GPHN: variants seen among roughly 807,000 people sequenced by gnomAD.
GPHN encodes the protein gephyrin.
A neutral mutation model predicts 95.5 loss-of-function variants in GPHN; 17 were observed. The ratio of observed to expected loss-of-function variants is 0.18; its 90% confidence interval spans 0.12 to 0.27. The LOEUF (loss-of-function observed/expected upper bound fraction) is 0.27, where lower values mean the gene tolerates loss of function less well. GPHN is among the 10% of genes least tolerant of loss of function. GPHN has a pLI of 1.00. For synonymous variants in GPHN, 320 were observed against 322.5 expected (o/e 0.99, Z 0.08); for missense variants, 660 against 978.1 (o/e 0.67, Z 4.34).
the GPHN span, among the ~76,000 whole-genome samples, chr14:67,699,623 GAGAA>G: frequency 1.4e-5 from 2 of 143,690 alleles, no homozygotes; most frequent in Admixed American, 1.4e-4. Context: ...GAAACAGAGA[GAGAA>G]AGAAAGAAAG....
At chr14:66,879,392 CAGTT>C (rs1433761877) in intron 4 of GPHN, among the ~76,000 whole-genome samples, 1 of 144,400 alleles carries the variant, frequency 6.9e-6, no homozygotes, top group Non-Finnish European at 1.5e-5. Context: ...AAAAAAAAGA[CAGTT>C]AATTTACACT....
At chr14:67,476,770 C>A in the GPHN span, among the ~76,000 whole-genome samples, 1 of 152,056 alleles carries the variant, frequency 6.6e-6, no homozygotes, top group East Asian at 1.9e-4. Flanking sequence ...CAGAACTCAT[C>A]CCCTGCACAT....
At chr14:67,345,521 C>T in the GPHN span, among the ~76,000 whole-genome samples, 1 of 152,128 alleles carries the variant, frequency 6.6e-6, no homozygotes, top group East Asian at 1.9e-4. Flanking sequence ...CGCCATTGCA[C>T]TCCAGCCTGG....
chr14:67,296,120 GAGA>G, the GPHN span, among the ~76,000 whole-genome samples: 1 of 152,062 alleles, frequency 6.6e-6, no homozygotes, highest in South Asian at 2.1e-4. Flanking sequence ...GGGGAATGGT[GAGA>G]AGAAGGAAAA....
the GPHN span, among the ~76,000 whole-genome samples, chr14:67,416,468 G>A: frequency 6.6e-6 from 1 of 152,296 alleles, no homozygotes; most frequent in Non-Finnish European, 1.5e-5. Flanking sequence ...CACCCTGAAG[G>A]CACTGAAAAG....
chr14:67,218,230 G>T, the GPHN span, among the ~76,000 whole-genome samples: 1 of 152,214 alleles, frequency 6.6e-6, no homozygotes, highest in Non-Finnish European at 1.5e-5. Context: ...GTGGCCAGAA[G>T]CATGATCACA....
the GPHN span, among the ~76,000 whole-genome samples, chr14:67,205,602 C>T: frequency 6.6e-6 from 1 of 152,020 alleles, no homozygotes; most frequent in Non-Finnish European, 1.5e-5. Context: ...TAGAAAAGGC[C>T]AGAGAGTGGA....
the GPHN span, among the ~76,000 whole-genome samples, chr14:67,644,469 C>A: frequency 6.6e-6 from 1 of 152,184 alleles, no homozygotes. Context: ...AAAGACCCAA[C>A]CAGTGTGGGA....
chr14:67,633,062 C>T, the GPHN span, among the ~76,000 whole-genome samples: 1 of 151,908 alleles, frequency 6.6e-6, no homozygotes, highest in Non-Finnish European at 1.5e-5. Context: ...CCTCGTGATC[C>T]GCCCGCCTCG....
intron 18 of GPHN, among the ~76,000 whole-genome samples, chr14:67,144,250 A>AAAAATATATATATAT (rs1168342196): frequency 6.9e-5 from 4 of 57,772 alleles, no homozygotes; most frequent in African/African-American, 8.0e-5. Context: ...AAAAAAAAAA[A>AAAAATATATATATAT]ATATATATAT....
At chr14:67,299,668 G>A in the GPHN span, among the ~76,000 whole-genome samples, 5 of 152,192 alleles carry the variant, frequency 3.3e-5, no homozygotes, top group African/African-American at 1.2e-4. Flanking sequence ...AGTAGCTGAT[G>A]ATATGTGTTG....
At chr14:66,955,246 C>G (rs1284576230) in intron 8 of GPHN, among the ~76,000 whole-genome samples, 2 of 152,044 alleles carry the variant, frequency 1.3e-5, no homozygotes, top group Non-Finnish European at 2.9e-5. Flanking sequence ...TGGGCTTTTC[C>G]TTGTTGAAAG....
intron 9 of GPHN, among the ~76,000 whole-genome samples, chr14:66,998,399 G>C (rs945508265): frequency 6.6e-6 from 1 of 151,890 alleles, no homozygotes; most frequent in African/African-American, 2.4e-5. Context: ...AGTAATATTC[G>C]TGATAATCCT....
intron 1 of GPHN, among the ~76,000 whole-genome samples, chr14:66,578,000 C>T (rs1286001068): frequency 1.3e-5 from 2 of 151,792 alleles, no homozygotes; most frequent in Non-Finnish European, 2.9e-5. Flanking sequence ...GAATCTCTGA[C>T]TCATTTCTCC....
chr14:67,692,477 T>C, the GPHN span: 6 of 1,614,066 alleles, frequency 3.7e-6, no homozygotes, highest in Admixed American at 1.0e-4. Context: ...ATAGACTTAG[T>C]ATCAGACAGG....
chr14:66,784,616 G>T (rs1156654084), intron 3 of GPHN, among the ~76,000 whole-genome samples: 1 of 152,146 alleles, frequency 6.6e-6, no homozygotes, highest in Non-Finnish European at 1.5e-5. Flanking sequence ...CTAAATGGAG[G>T]TAAGATTTCT....
At chr14:67,039,239 C>T (rs2074579214) in intron 10 of GPHN, among the ~76,000 whole-genome samples, 1 of 152,142 alleles carries the variant, frequency 6.6e-6, no homozygotes, top group Admixed American at 6.6e-5. Context: ...ACTTTCAGAT[C>T]TTTGTAATTT....
chr14:67,538,898 C>G, the GPHN span, among the ~76,000 whole-genome samples: 10 of 152,192 alleles, frequency 6.6e-5, no homozygotes, highest in Non-Finnish European at 2.9e-5. Context: ...TAGGCAGACA[C>G]CAGTGACATA....
chr14:67,440,751 GA>G, the GPHN span, among the ~76,000 whole-genome samples: 48 of 146,206 alleles, frequency 3.3e-4, no homozygotes, highest in East Asian at 2.4e-3. Flanking sequence ...GTCTCAGAGT[GA>G]AAAAAAAAAA....
Sources: gnomAD v4.1 joint callset for allele counts (sites outside exome capture counted in the v4.1 genomes callset) on GRCh38, gnomAD v4.1.1 for gene constraint, MANE v1.5 for transcripts, NCBI Gene and HGNC (gene_info 2026-07-23, HGNC 2026-07-21) for gene names.